COL6A6: variants seen among roughly 807,000 people sequenced by gnomAD.
COL6A6 encodes the protein collagen alpha-6(VI) chain.
Under a neutral mutation model 208.6 loss-of-function variants are expected in COL6A6, and 183 were observed. The ratio of observed to expected loss-of-function variants is 0.88; its 90% CI spans 0.78 to 0.99. The LOEUF (loss-of-function observed/expected upper bound fraction) is 0.99, where lower values mean the gene tolerates loss of function less well. COL6A6 is among the 50% of genes least tolerant of loss of function. The probability of loss-of-function intolerance (pLI) is 0.00; values close to 1 mark genes in which losing one functional copy is unlikely to be tolerated. For missense variants in COL6A6, 2,816 were observed against 2,815.2 expected (o/e 1.00, Z -0.01); for synonymous variants, 973 against 1,011.8 (o/e 0.96, Z 0.73).
At chr3:130,646,950 G>A (rs1199689809) in intron 32 of COL6A6, among the ~76,000 whole-genome samples, 1 of 152,206 alleles carries the variant, frequency 6.6e-6, no homozygotes, top group African/African-American at 2.4e-5. Flanking sequence ...CTAGTTTAGA[G>A]AGGACTGTAG....
At chr3:130,623,416 G>A (rs1368046846) in intron 24 of COL6A6, among the ~76,000 whole-genome samples, 1 of 151,908 alleles carries the variant, frequency 6.6e-6, no homozygotes, top group Non-Finnish European at 1.5e-5. Context: ...CCAAGATCCT[G>A]CCACTGCACT....
chr3:130,578,755 C>T (rs1247115972), intron 8 of COL6A6, among the ~76,000 whole-genome samples: 2 of 152,196 alleles, frequency 1.3e-5, no homozygotes, highest in Non-Finnish European at 2.9e-5. Context: ...CAGTGCACTA[C>T]ACCTAGGGCA....
intron 32 of COL6A6, among the ~76,000 whole-genome samples, chr3:130,647,283 T>C (rs1412988250): frequency 6.6e-6 from 1 of 152,142 alleles, no homozygotes; most frequent in Admixed American, 6.5e-5. Context: ...CTTAGGTTTT[T>C]CCCCTAAAAA....
At position 130,662,218 on chromosome 3, in the gene COL6A6, G is replaced by C. The variant is rs1176405147; in HGVS notation, c.6412G>C (p.Asp2138His). The stretch of plus-strand genomic sequence containing the variant: ...GGAGGATCTCGCCAGCCACCCTTTG[G>C]ATCACCACCTGGTCCAGCTTGGCCG... The part of the protein sequence containing the change: ...ELEDLASHPL[D>H]HHLVQLGRIH... The change falls in exon 35 of 37, where the codon GAT (aspartate) becomes CAT (histidine). Residue 2138 changes from aspartate (D) to histidine (H), a missense_variant. By Grantham distance (81) the Asp-to-His change is moderately conservative. Coordinates refer to ENST00000358511, the MANE Select transcript of COL6A6 (RefSeq NM_001102608.3). The C allele has an allele frequency of 1.2e-6, 2 of 1,613,988 alleles. No homozygotes were observed. Among genetic ancestry groups the C allele is most frequent in the East Asian group, 2.2e-5 (1 of 44,876 alleles).
At chr3:130,672,446 A>G (rs1030106767) in intron 36 of COL6A6, among the ~76,000 whole-genome samples, 13 of 151,300 alleles carry the variant, frequency 8.6e-5, no homozygotes, top group African/African-American at 2.7e-4. Flanking sequence ...TCTGTCACCC[A>G]GGCTGGAGTG....
At position 130,657,182 on chromosome 3, in the gene COL6A6, G is replaced by A. The variant is rs184027166; in HGVS notation, c.5734-1494G>A. 4.2e-3 allele frequency among the ~76,000 whole-genome samples: 633 copies of A among 152,368 alleles called. 1 individual carries two copies. The highest frequency in any genetic ancestry group is 0.014 in the African/African-American group (591 of 41,588). On this transcript the variant is annotated intron_variant, in intron 33 of 36. Transcript: ENST00000358511. ...TACCCTGCCAACTCAGAAGCGGGTG[G>A]GGCTTCCACCTGTTCCCAGCTCCCA...
intron 23 of COL6A6, among the ~76,000 whole-genome samples, chr3:130,611,673 C>T (rs1444738354): frequency 6.6e-6 from 1 of 152,104 alleles, no homozygotes; most frequent in African/African-American, 2.4e-5. Context: ...TACGTGTGTA[C>T]GTTAGTTGAA....
intron 6 of COL6A6, among the ~76,000 whole-genome samples, chr3:130,568,965 G>A (rs1325648269): frequency 6.6e-6 from 1 of 152,178 alleles, no homozygotes; most frequent in Non-Finnish European, 1.5e-5. Flanking sequence ...TCAGGGCATG[G>A]GTAGGAACTG....
chr3:130,645,008 T>G lies in COL6A6; in HGVS notation c.5239+6T>G, dbSNP rs2065426845. On this transcript the variant is annotated splice_donor_region_variant and intron_variant, in intron 32 of 36. Coordinates refer to ENST00000358511, the MANE Select transcript of COL6A6 (RefSeq NM_001102608.3). ...TTCCCCAGCTGGCAGGCATGGTGAG[T>G]AATCTTTATTTACAGCATGCTTTAA... The G allele has an allele frequency of 6.2e-7, 1 of 1,611,028 alleles. No individual in the cohort carries two copies. Among genetic ancestry groups the G allele is most frequent in the Non-Finnish European group, 8.5e-7 (1 of 1,177,428 alleles).
rs2064885608 is a variant in COL6A6 at position 130,626,381 on chromosome 3, A to G, written c.4879-104A>G. 9 of 837,816 alleles carry G rather than the reference A, an allele frequency of 1.1e-5. 1 individual carries two copies. In the South Asian group the frequency reaches 1.3e-4, roughly 12 times the overall value. 51.9% of individuals were successfully genotyped at this position (837,816 alleles called of 1,614,324 possible). ...CTCTTGTATCACTTGCACGACACAC[A>G]GTTCTGGGCACAAACCCATTGTTGT... On this transcript the variant is annotated intron_variant, in intron 24 of 36. Coordinates refer to ENST00000358511, the MANE Select transcript of COL6A6 (RefSeq NM_001102608.3).
rs759087778 is a variant in COL6A6, at chr3:130,643,031, C to T, written c.5227+8C>T. ...ATGTGCGAGACCGCAGTCGTAAGTA[C>T]CCTGCTTAAAATGATCACCCAAGTT... On this transcript the variant is annotated splice_region_variant and intron_variant, in intron 31 of 36. Transcript: ENST00000358511. 6 of 1,612,554 alleles carry T rather than the reference C, an allele frequency of 3.7e-6. No individual in the cohort carries two copies. The highest frequency in any genetic ancestry group is 4.2e-6 in the Non-Finnish European group (5 of 1,178,734).
chr3:130,581,947 A>G (rs777233352), intron 9 of COL6A6, 43 bp downstream of exon 9: 1 of 1,589,880 alleles, frequency 6.3e-7, no homozygotes, highest in Non-Finnish European at 8.6e-7. Context: ...GATTGCAATG[A>G]ACCCTTTTTA....
intron 1 of COL6A6, among the ~76,000 whole-genome samples, chr3:130,546,148 G>T (rs1223904979): frequency 1.3e-5 from 2 of 152,072 alleles, no homozygotes; most frequent in African/African-American, 4.8e-5. Flanking sequence ...ATGAAGCCCC[G>T]GACCCTCGCG....
At chr3:130,569,994 C>T (rs1030129230) in intron 6 of COL6A6, among the ~76,000 whole-genome samples, 4 of 152,196 alleles carry the variant, frequency 2.6e-5, no homozygotes, top group Admixed American at 2.0e-4. Flanking sequence ...TTGGATCATA[C>T]CTTTCTATGG....
At chr3:130,616,343 A>G (rs1331113161) in intron 23 of COL6A6, among the ~76,000 whole-genome samples, 1 of 152,180 alleles carries the variant, frequency 6.6e-6, no homozygotes, top group African/African-American at 2.4e-5. Flanking sequence ...TTCTGTTGAC[A>G]ATGTTCTGAA....
intron 1 of COL6A6, among the ~76,000 whole-genome samples, chr3:130,531,034 A>AGTCTCT (rs1361204191): frequency 1.1e-4 from 2 of 18,110 alleles, no homozygotes; most frequent in Admixed American, 7.1e-4. Context: ...ACACACACAC[A>AGTCTCT]CACAGACACA....
intron 15 of COL6A6, 53 bp from the exon 16 acceptor site, chr3:130,593,008 T>G: frequency 6.6e-7 from 1 of 1,520,604 alleles, no homozygotes; most frequent in Non-Finnish European, 9.1e-7. Flanking sequence ...GGCATCTGAC[T>G]TCTTTACACA....
intron 36 of COL6A6, among the ~76,000 whole-genome samples, chr3:130,670,431 A>T (rs2066183214): frequency 6.6e-6 from 1 of 152,064 alleles, no homozygotes; most frequent in African/African-American, 2.4e-5. Flanking sequence ...GTTATTTTTG[A>T]ATTTGAGTTT....
At chr3:130,544,406 C>T (rs1361200156) in intron 1 of COL6A6, among the ~76,000 whole-genome samples, 2 of 152,062 alleles carry the variant, frequency 1.3e-5, no homozygotes, top group African/African-American at 4.8e-5. Flanking sequence ...GTGTGTGTAT[C>T]TCAGTTTCTT....
Sources: gnomAD v4.1 joint callset for allele counts (sites outside exome capture counted in the v4.1 genomes callset) on GRCh38, gnomAD v4.1.1 for gene constraint, MANE v1.5 for transcripts, NCBI Gene and HGNC (gene_info 2026-07-23, HGNC 2026-07-21) for gene names.